The following MGAT4C variants were observed in gnomAD, a reference collection of about 807,000 sequenced individuals.
The protein encoded by MGAT4C is MGAT4 family member C.
A neutral mutation model predicts 40.1 loss-of-function variants in MGAT4C; 19 were observed. The observed-to-expected ratio is 0.47, with a 90% CI of 0.33 to 0.70. MGAT4C has a LOEUF of 0.70. Among genes scored for constraint, MGAT4C ranks in the 30% least tolerant of loss-of-function variants. The probability of loss-of-function intolerance (pLI) is 0.02; values close to 1 mark genes in which losing one functional copy is unlikely to be tolerated. For synonymous variants in MGAT4C, 181 were observed against 187.1 expected, an observed-to-expected ratio of 0.97 and a Z score of 0.27; for missense variants, 491 against 563.2, an observed-to-expected ratio of 0.87 and a Z score of 1.30.
intron 1 of MGAT4C, among the ~76,000 whole-genome samples, chr12:86,134,429 A>T (rs2135719776): frequency 6.6e-6 from 1 of 152,210 alleles, no homozygotes. Flanking sequence ...TGGAAAAAGA[A>T]ATATTTTTTT....
chr12:86,701,841 A>G (rs1352187038), intron 2 of MGAT4C, among the ~76,000 whole-genome samples: 4 of 152,142 alleles, frequency 2.6e-5, no homozygotes, highest in Non-Finnish European at 5.9e-5. Flanking sequence ...AGAACATTAA[A>G]CAGCCTTATT....
chr12:86,045,771 C>T (rs1318358221), intron 2 of MGAT4C, among the ~76,000 whole-genome samples: 2 of 152,186 alleles, frequency 1.3e-5, no homozygotes, highest in African/African-American at 4.8e-5. Context: ...GAATTAATGA[C>T]AGCATATTCA....
chr12:86,451,580 CTA>C (rs1290523578), intron 2 of MGAT4C, among the ~76,000 whole-genome samples: 1 of 151,954 alleles, frequency 6.6e-6, no homozygotes, highest in African/African-American at 2.4e-5. Context: ...ATTTTTGGTA[CTA>C]TGTCTTTTGT....
chr12:86,627,996 GA>G (rs1217234275), intron 2 of MGAT4C, among the ~76,000 whole-genome samples: 1 of 150,780 alleles, frequency 6.6e-6, no homozygotes, highest in East Asian at 1.9e-4. Flanking sequence ...TAAAAACCTT[GA>G]AAAAAGATTA....
chr12:86,259,282 T>C (rs1420528293), upstream of MGAT4C, among the ~76,000 whole-genome samples: 1 of 152,068 alleles, frequency 6.6e-6, no homozygotes, highest in African/African-American at 2.4e-5. Flanking sequence ...GAAAAAAGTC[T>C]GATGATACTT....
chr12:86,266,010 T>A (rs912375945), intron 4 of MGAT4C, among the ~76,000 whole-genome samples: 1 of 152,220 alleles, frequency 6.6e-6, no homozygotes, highest in African/African-American at 2.4e-5. Flanking sequence ...GTTTACTGAA[T>A]TCATTTATCA....
At chr12:86,012,594 A>G (rs929484497) in intron 2 of MGAT4C, among the ~76,000 whole-genome samples, 2 of 151,344 alleles carry the variant, frequency 1.3e-5, no homozygotes, top group Non-Finnish European at 2.9e-5. Flanking sequence ...TACAAAAAAG[A>G]AAAAAAAATT....
At chr12:86,258,933 A>G (rs569665497), upstream of MGAT4C, among the ~76,000 whole-genome samples, 2 of 152,118 alleles carry the variant, frequency 1.3e-5, no homozygotes, top group Non-Finnish European at 2.9e-5. Flanking sequence ...TATCACATAC[A>G]TTAAGTCAAC....
intron 1 of MGAT4C, among the ~76,000 whole-genome samples, chr12:86,168,087 CT>C (rs1275666031): frequency 6.6e-6 from 1 of 152,120 alleles, no homozygotes; most frequent in Non-Finnish European, 1.5e-5. Context: ...TCAGTGTTCT[CT>C]TTATCAAATA....
At chr12:86,463,932 A>C (rs999036659) in intron 2 of MGAT4C, among the ~76,000 whole-genome samples, 2 of 152,198 alleles carry the variant, frequency 1.3e-5, no homozygotes, top group Admixed American at 6.5e-5. Context: ...AATACATTAT[A>C]GTCTTTCTTG....
chr12:86,186,035 G>T (rs991726112), intron 1 of MGAT4C, among the ~76,000 whole-genome samples: 6 of 152,062 alleles, frequency 3.9e-5, no homozygotes, highest in African/African-American at 1.4e-4. Flanking sequence ...CAACCTAGAT[G>T]ATTTGAAAAG....
At chr12:86,379,458 G>A (rs1225634205) in intron 3 of MGAT4C, among the ~76,000 whole-genome samples, 1 of 152,058 alleles carries the variant, frequency 6.6e-6, no homozygotes, top group Non-Finnish European at 1.5e-5. Context: ...ATAGCATCAT[G>A]CAGTAAAGTT....
chr12:86,829,846 T>C (rs1425626514), intron 1 of MGAT4C, among the ~76,000 whole-genome samples: 1 of 149,878 alleles, frequency 6.7e-6, no homozygotes, highest in African/African-American at 2.5e-5. Context: ...CTTGACTATT[T>C]TATTTGTTTT....
intron 4 of MGAT4C, among the ~76,000 whole-genome samples, chr12:86,277,543 T>C (rs1485598618): frequency 6.6e-6 from 1 of 152,216 alleles, no homozygotes; most frequent in Non-Finnish European, 1.5e-5. Flanking sequence ...TAGATTTAAG[T>C]CTTTAATCAA....
intron 2 of MGAT4C, among the ~76,000 whole-genome samples, chr12:86,687,072 G>GA (rs1950085716): frequency 6.6e-6 from 1 of 152,138 alleles, no homozygotes; most frequent in Non-Finnish European, 1.5e-5. Flanking sequence ...TTAGTCTTTG[G>GA]ATGATGCATG....
intron 2 of MGAT4C, among the ~76,000 whole-genome samples, chr12:86,464,456 A>G (rs537172567): frequency 5.9e-4 from 90 of 152,282 alleles, no homozygotes; most frequent in Non-Finnish European, 1.2e-3. Context: ...ACACCTGCTT[A>G]TATTTGATTG....
At chr12:86,062,928 G>A (rs756516849) in intron 1 of MGAT4C, among the ~76,000 whole-genome samples, 19 of 152,036 alleles carry the variant, frequency 1.2e-4, no homozygotes, top group Admixed American at 5.9e-4. Context: ...AGGGAGAATG[G>A]AACCAAGTTG....
intron 4 of MGAT4C, among the ~76,000 whole-genome samples, chr12:86,275,866 C>T (rs990584521): frequency 2.7e-5 from 4 of 146,818 alleles, no homozygotes; most frequent in African/African-American, 5.1e-5. Flanking sequence ...CTTTGGGAGG[C>T]CGAGGCGGCG....
intron 3 of MGAT4C, among the ~76,000 whole-genome samples, chr12:86,400,946 T>C (rs1398327527): frequency 6.6e-6 from 1 of 152,180 alleles, no homozygotes; most frequent in African/African-American, 2.4e-5. Flanking sequence ...TTGGAGCCTA[T>C]GTAGAATGAT....
Sources: allele counts gnomAD v4.1 joint callset (sites outside exome capture counted in the v4.1 genomes callset), GRCh38; gene constraint gnomAD v4.1.1; transcripts MANE v1.5; gene names NCBI Gene and HGNC (gene_info 2026-07-23, HGNC 2026-07-21).